Variants in GNG4 observed in about 807,000 individuals in gnomAD.
GNG4 encodes guanine nucleotide-binding protein G(I)/G(S)/G(O) subunit gamma-4.
In GNG4, 4 loss-of-function variants were observed where a neutral mutation model predicts 5.8. The ratio of observed to expected loss-of-function variants is 0.69; its 90% CI spans 0.34 to 1.57. GNG4 has a LOEUF of 1.57. GNG4 is among the 40% of genes most tolerant of loss of function. The probability of loss-of-function intolerance (pLI) is 0.06; values close to 1 mark genes in which losing one functional copy is unlikely to be tolerated. For synonymous variants in GNG4, 29 were observed against 32.9 expected, an observed-to-expected ratio of 0.88 and a Z score of 0.41; for missense variants, 96 against 95.1, an observed-to-expected ratio of 1.01 and a Z score of -0.04.
intron 1 of GNG4, among the ~76,000 whole-genome samples, chr1:235,622,341 GC>G (rs1204640521): frequency 2.6e-5 from 4 of 152,170 alleles, no homozygotes; most frequent in African/African-American, 9.7e-5. Flanking sequence ...TGTTCTCAAA[GC>G]TTTTGCTATG....
intron 1 of GNG4, among the ~76,000 whole-genome samples, chr1:235,618,099 A>G (rs1287448904): frequency 6.6e-6 from 1 of 152,188 alleles, no homozygotes; most frequent in Non-Finnish European, 1.5e-5. Flanking sequence ...AAGGGTAATC[A>G]GAAATGGAAT....
intron 1 of GNG4, among the ~76,000 whole-genome samples, chr1:235,643,921 C>G (rs1657428291): frequency 6.6e-6 from 1 of 152,234 alleles, no homozygotes; most frequent in Non-Finnish European, 1.5e-5. Context: ...GCTGACCCAT[C>G]CATCAGTGAG....
intron 2 of GNG4, among the ~76,000 whole-genome samples, chr1:235,585,885 AAATT>A (rs1469346529): frequency 6.6e-6 from 1 of 152,232 alleles, no homozygotes; most frequent in Non-Finnish European, 1.5e-5. Context: ...CTTAAGTAAT[AAATT>A]AAGTCATTTA....
intron 3 of GNG4, among the ~76,000 whole-genome samples, chr1:235,557,726 G>C (rs1173725888): frequency 1.3e-5 from 2 of 152,140 alleles, no homozygotes; most frequent in African/African-American, 4.8e-5. Context: ...CTATCAACCA[G>C]TACATCCTGT....
At position 235,642,962 on chromosome 1, in the gene GNG4, A is replaced by G. The variant is rs916632290; in HGVS notation, c.-123+6700T>C. Among the ~76,000 whole-genome samples the G allele has an allele frequency of 6.6e-6, 1 of 152,056 alleles. No homozygotes were observed. The highest frequency in any genetic ancestry group is 2.4e-5 in the African/African-American group (1 of 41,378). ...TCGTCCATCCATGCTCAGTCTGGAA[A>G]CCCTGGGATCCCAGACACCAGCCTC... On this transcript the variant is annotated intron_variant, in intron 1 of 3. Transcript: ENST00000391854. This position sits in a 1 kb window ranked among gnomAD's most constrained non-coding sequence, Gnocchi z 4.3.
At chr1:235,586,448 G>T (rs2102944288) in intron 2 of GNG4, among the ~76,000 whole-genome samples, 1 of 152,316 alleles carries the variant, frequency 6.6e-6, no homozygotes, top group Non-Finnish European at 1.5e-5. Flanking sequence ...AGGAGACACA[G>T]TCTAGTTCCC....
intron 1 of GNG4, among the ~76,000 whole-genome samples, chr1:235,603,280 TAATAATAATAAA>T (rs1267532334): frequency 5.3e-5 from 8 of 150,586 alleles, no homozygotes; most frequent in African/African-American, 1.7e-4. Context: ...ATAATAATAA[TAATAATAATAAA>T]AGGCAGGGGA....
intron 1 of GNG4, among the ~76,000 whole-genome samples, chr1:235,618,458 A>G (rs1381907259): frequency 6.6e-6 from 1 of 152,188 alleles, no homozygotes; most frequent in Non-Finnish European, 1.5e-5. Context: ...GCTAATCTGC[A>G]GGGCTCACTG....
At chr1:235,615,635 G>T (rs754849123) in intron 1 of GNG4, 3 of 229,010 alleles carry the variant, frequency 1.3e-5, no homozygotes, top group Non-Finnish European at 2.9e-5. Context: ...GTGTCTGGGG[G>T]CTTTTATTTT....
intron 1 of GNG4, among the ~76,000 whole-genome samples, chr1:235,618,944 C>T (rs1446440490): frequency 6.6e-6 from 1 of 151,176 alleles, no homozygotes; most frequent in Non-Finnish European, 1.5e-5. Flanking sequence ...GCGTGAGCCA[C>T]TGCACGCCGC....
At chr1:235,631,106 C>T (rs1688923771) in intron 1 of GNG4, among the ~76,000 whole-genome samples, 3 of 152,162 alleles carry the variant, frequency 2.0e-5, no homozygotes, top group African/African-American at 7.2e-5. Context: ...ACCAGGTTGG[C>T]CAGGCTGGTC....
intron 2 of GNG4, among the ~76,000 whole-genome samples, chr1:235,593,049 A>T (rs369430396): frequency 2.6e-5 from 4 of 151,880 alleles, no homozygotes; most frequent in African/African-American, 9.7e-5. Flanking sequence ...CCCAGGTTCA[A>T]GCAATTCTTC....
chr1:235,583,698 T>G, intron 3 of GNG4, 42 bp downstream of exon 3: 3 of 1,301,720 alleles, frequency 2.3e-6, no homozygotes, highest in Non-Finnish European at 3.3e-6. Flanking sequence ...TGTTTTGAGC[T>G]GAGCTTCGGG....
intron 2 of GNG4, among the ~76,000 whole-genome samples, chr1:235,593,914 C>T (rs138200940): frequency 1.3e-5 from 2 of 152,158 alleles, no homozygotes; most frequent in African/African-American, 4.8e-5. Flanking sequence ...GCCTGCACAG[C>T]GTGCATGGGG....
chr1:235,618,037 C>T (rs965515625), intron 1 of GNG4, among the ~76,000 whole-genome samples: 5 of 152,144 alleles, frequency 3.3e-5, no homozygotes, highest in Non-Finnish European at 7.3e-5. Flanking sequence ...GATATCTGCA[C>T]AGTGGCAAGC....
intron 2 of GNG4, 66 bp from the exon 3 acceptor site, chr1:235,583,914 C>T (rs1227761747): frequency 2.2e-6 from 2 of 895,330 alleles, no homozygotes; most frequent in Non-Finnish European, 3.6e-6. Context: ...ACCCCACCTC[C>T]CACCACCTAC....
chr1:235,599,506 G>A (rs1425748005), intron 1 of GNG4, among the ~76,000 whole-genome samples: 1 of 151,874 alleles, frequency 6.6e-6, no homozygotes, highest in Non-Finnish European at 1.5e-5. Flanking sequence ...TAGTAGAGAC[G>A]GGGTTTCACC....
intron 1 of GNG4, among the ~76,000 whole-genome samples, chr1:235,633,230 C>T (rs759004409): frequency 2.6e-5 from 4 of 152,192 alleles, no homozygotes; most frequent in Non-Finnish European, 4.4e-5. Flanking sequence ...TTCATGGAGA[C>T]TTGTCCCTGA....
intron 2 of GNG4, among the ~76,000 whole-genome samples, chr1:235,594,769 A>G (rs1688082544): frequency 6.6e-6 from 1 of 152,010 alleles, no homozygotes; most frequent in African/African-American, 2.4e-5. Flanking sequence ...CTCTCCCTCC[A>G]CACCTCCCTG....
Sources: gnomAD v4.1 joint callset for allele counts (sites outside exome capture counted in the v4.1 genomes callset) on GRCh38, gnomAD v4.1.1 for gene constraint, Gnocchi (gnomAD v3.1) non-coding constraint, MANE v1.5 for transcripts, NCBI Gene and HGNC (gene_info 2026-07-23, HGNC 2026-07-21) for gene names.